CSNK1G1: variants seen among roughly 807,000 people sequenced by gnomAD.
CSNK1G1 encodes casein kinase I isoform gamma-1.
A neutral mutation model predicts 59.6 loss-of-function variants in CSNK1G1; 22 were observed. That is an observed-to-expected ratio of 0.37 (90% CI 0.26 to 0.53). The LOEUF (loss-of-function observed/expected upper bound fraction) is 0.53, where lower values mean the gene tolerates loss of function less well. CSNK1G1 is among the 20% of genes least tolerant of loss of function. The pLI, the probability that CSNK1G1 is intolerant of heterozygous loss-of-function variation, is 0.89. For missense variants in CSNK1G1, 384 were observed against 519.5 expected, an observed-to-expected ratio of 0.74 and a Z score of 2.54; for synonymous variants, 179 against 177.1, an observed-to-expected ratio of 1.01 and a Z score of -0.08.
chr15:64,297,698 CA>C (rs35206976), intron 2 of CSNK1G1, among the ~76,000 whole-genome samples: 6,816 of 134,620 alleles, frequency 0.051, 180 homozygotes, highest in South Asian at 0.088. Flanking sequence ...CCCTGTCTCT[CA>C]AAAAAAAAAA....
At chr15:64,264,213 GA>G (rs144819438) in intron 2 of CSNK1G1, among the ~76,000 whole-genome samples, 5,946 of 152,258 alleles carry the variant, frequency 0.039, 178 homozygotes, top group Middle Eastern at 0.075. Context: ...AGCAAATGGT[GA>G]AAGTTGTATT....
At chr15:64,326,835 A>G (rs1896867253) in intron 1 of CSNK1G1, among the ~76,000 whole-genome samples, 1 of 151,222 alleles carries the variant, frequency 6.6e-6, no homozygotes. Flanking sequence ...CGCGAGCCGA[A>G]GCAGGGCGAG....
chr15:64,342,813 G>C (rs1429023905), intron 1 of CSNK1G1: 2 of 152,132 alleles, frequency 1.3e-5, no homozygotes, highest in Non-Finnish European at 2.9e-5. Flanking sequence ...CTTAACAGCA[G>C]TTCCCAAACT....
chr15:64,295,447 A>C (rs1419336985), intron 2 of CSNK1G1, among the ~76,000 whole-genome samples: 1 of 152,214 alleles, frequency 6.6e-6, no homozygotes, highest in Non-Finnish European at 1.5e-5. Context: ...AATCCTGCCT[A>C]AAGTCTATGT....
chr15:64,193,754 C>G (rs1430078248), intron 10 of CSNK1G1, among the ~76,000 whole-genome samples: 1 of 152,222 alleles, frequency 6.6e-6, no homozygotes, highest in African/African-American at 2.4e-5. Flanking sequence ...AGAAAAATCA[C>G]GGAAACCACC....
intron 1 of CSNK1G1, among the ~76,000 whole-genome samples, chr15:64,320,611 G>A (rs932638093): frequency 6.6e-6 from 1 of 150,918 alleles, no homozygotes; most frequent in African/African-American, 2.4e-5. Context: ...CCCAGGAAGT[G>A]GAGGTTGCAG....
intron 9 of CSNK1G1, 112 bp from the exon 10 acceptor site, chr15:64,203,301 C>T: frequency 1.3e-6 from 1 of 746,836 alleles, no homozygotes; most frequent in Non-Finnish European, 2.3e-6. Context: ...TTTTCAGCTA[C>T]CAAGAGCACT....
At chr15:64,313,517 G>A (rs967154613) in intron 1 of CSNK1G1, among the ~76,000 whole-genome samples, 11 of 152,096 alleles carry the variant, frequency 7.2e-5, no homozygotes, top group Admixed American at 2.6e-4. Flanking sequence ...ATCAAACACC[G>A]CATGTTCTCA....
At chr15:64,181,889 C>G (rs2081818633) in intron 10 of CSNK1G1, 1 of 155,268 alleles carries the variant, frequency 6.4e-6, no homozygotes, top group South Asian at 2.0e-4. Context: ...TCCTCACCAG[C>G]AGTTAATCCA....
At chr15:64,282,821 ATTG>A (rs1278112220) in intron 2 of CSNK1G1, among the ~76,000 whole-genome samples, 6 of 152,118 alleles carry the variant, frequency 3.9e-5, no homozygotes, top group Admixed American at 6.6e-5. Context: ...CTAGCCAACA[ATTG>A]TTATCTGATT....
chr15:64,338,352 C>T (rs1897497192), intron 1 of CSNK1G1, among the ~76,000 whole-genome samples: 1 of 152,106 alleles, frequency 6.6e-6, no homozygotes, highest in Non-Finnish European at 1.5e-5. Context: ...TATAGATGTG[C>T]AAGAACCATT....
chr15:64,269,492 ATTT>A (rs36065606), intron 2 of CSNK1G1, among the ~76,000 whole-genome samples: 5 of 117,194 alleles, frequency 4.3e-5, no homozygotes, highest in Admixed American at 1.8e-4. Context: ...TCTGATGGCT[ATTT>A]TTTTTTTTTT....
chr15:64,287,733 T>C (rs1187123636), intron 2 of CSNK1G1, among the ~76,000 whole-genome samples: 1 of 152,198 alleles, frequency 6.6e-6, no homozygotes, highest in Non-Finnish European at 1.5e-5. Context: ...ACAAATCTAC[T>C]TAATTATCTT....
intron 10 of CSNK1G1, among the ~76,000 whole-genome samples, chr15:64,193,373 G>A (rs1245169991): frequency 6.6e-6 from 1 of 151,616 alleles, no homozygotes. Context: ...CACACCTGTA[G>A]TCCCAGCTAC....
In CSNK1G1 at chr15:64,307,692, T is replaced by G. The variant is rs376009803; in HGVS notation, c.-224-6969A>C. 4.8e-4 allele frequency among the ~76,000 whole-genome samples: 73 copies of G among 152,262 alleles called. No homozygotes were observed. The South Asian group carries it at 0.015, about 31-fold the overall frequency. On this transcript the variant is annotated intron_variant, in intron 1 of 11. Coordinates refer to ENST00000303052, the MANE Select transcript of CSNK1G1 (RefSeq NM_022048.5). ...TGTCAGCAACTTACTTGTTTTTGAT[T>G]TTGTTTTTGTTTGAGACGGAGTCTC...
At chr15:64,212,721 A>G (rs1248081367) in intron 6 of CSNK1G1, among the ~76,000 whole-genome samples, 1 of 151,662 alleles carries the variant, frequency 6.6e-6, no homozygotes, top group Non-Finnish European at 1.5e-5. Context: ...AATAAAATAA[A>G]TATGCTGGGC....
intron 2 of CSNK1G1, among the ~76,000 whole-genome samples, chr15:64,299,852 T>C (rs574013004): frequency 4.6e-5 from 7 of 152,306 alleles, no homozygotes; most frequent in African/African-American, 1.7e-4. Flanking sequence ...CAGGATGTAC[T>C]GTATATCCTT....
chr15:64,326,430 G>C (rs1896839339), intron 1 of CSNK1G1, among the ~76,000 whole-genome samples: 1 of 152,078 alleles, frequency 6.6e-6, no homozygotes, highest in African/African-American at 2.4e-5. Flanking sequence ...GATCACCCGA[G>C]GTCAGGAGTT....
At chr15:64,199,807 C>T (rs530985803) in intron 10 of CSNK1G1, among the ~76,000 whole-genome samples, 2 of 151,734 alleles carry the variant, frequency 1.3e-5, no homozygotes, top group South Asian at 2.1e-4. Context: ...GACGCGAGAT[C>T]GCGCCACTGC....
Sources: allele counts gnomAD v4.1 joint callset (sites outside exome capture counted in the v4.1 genomes callset), GRCh38; gene constraint gnomAD v4.1.1; transcripts MANE v1.5; gene names NCBI Gene and HGNC (gene_info 2026-07-23, HGNC 2026-07-21).